FCHO2: variants seen among roughly 807,000 people sequenced by gnomAD.
FCHO2 encodes F-BAR domain only protein 2.
Under a neutral mutation model 114.1 loss-of-function variants are expected in FCHO2, and 43 were observed. That is an observed-to-expected ratio of 0.38 (90% CI 0.30 to 0.49). The LOEUF is 0.49. Ranked by LOEUF, FCHO2 falls within the 20% of genes least tolerant of loss-of-function variation. FCHO2 has a pLI of 0.97. For synonymous variants in FCHO2, 293 were observed against 315.2 expected (o/e 0.93, Z 0.75); for missense variants, 807 against 950.4 (o/e 0.85, Z 1.98).
At chr5:73,000,328 G>A (rs544253661) in intron 5 of FCHO2, among the ~76,000 whole-genome samples, 8 of 152,046 alleles carry the variant, frequency 5.3e-5, no homozygotes, top group Non-Finnish European at 7.4e-5. Context: ...AAAATTAGCC[G>A]AGTATGGTGG....
chr5:73,008,058 G>C (rs534064272), intron 6 of FCHO2, among the ~76,000 whole-genome samples: 12 of 152,282 alleles, frequency 7.9e-5, no homozygotes, highest in Middle Eastern at 3.4e-3. Flanking sequence ...AAGGGAAAAT[G>C]GTAGTGAGAA....
At chr5:73,034,608 A>G (rs1756403275) in intron 8 of FCHO2, 49 bp from the exon 9 acceptor site, 1 of 1,446,706 alleles carries the variant, frequency 6.9e-7, no homozygotes, top group Non-Finnish European at 9.4e-7. Context: ...TTTAAAATTT[A>G]CCTAATAGTT....
intron 1 of FCHO2, among the ~76,000 whole-genome samples, chr5:72,959,593 A>T (rs1414373121): frequency 6.6e-6 from 1 of 152,244 alleles, no homozygotes; most frequent in Non-Finnish European, 1.5e-5. Context: ...TCTTCCCTCT[A>T]GCATTTAAAG....
At chr5:73,033,659 A>C (rs991381062) in intron 8 of FCHO2, among the ~76,000 whole-genome samples, 19 of 152,108 alleles carry the variant, frequency 1.2e-4, no homozygotes, top group African/African-American at 2.7e-4. Context: ...TTATTTCACA[A>C]AAAAAGCTAG....
intron 6 of FCHO2, among the ~76,000 whole-genome samples, chr5:73,007,946 G>C (rs1176684335): frequency 6.6e-6 from 1 of 152,204 alleles, no homozygotes; most frequent in East Asian, 1.9e-4. Flanking sequence ...GAAATTAATA[G>C]GGCAAGAGCG....
At chr5:72,997,394 A>T (rs1754178929) in intron 5 of FCHO2, 1 of 1,599,338 alleles carries the variant, frequency 6.3e-7, no homozygotes, top group Admixed American at 1.7e-5. Flanking sequence ...ACAGCACTGC[A>T]CTTTGGAGTT....
intron 1 of FCHO2, among the ~76,000 whole-genome samples, chr5:72,965,742 A>G (rs1752168411): frequency 6.6e-6 from 1 of 152,232 alleles, no homozygotes; most frequent in Non-Finnish European, 1.5e-5. Flanking sequence ...GTTTCAGAGA[A>G]GTCAAGATAA....
chr5:73,066,723 G>A (rs113734713), intron 18 of FCHO2, among the ~76,000 whole-genome samples: 66 of 151,816 alleles, frequency 4.3e-4, no homozygotes, highest in African/African-American at 1.5e-3. Flanking sequence ...GGCACCCAAC[G>A]TGCAGTACCA....
intron 6 of FCHO2, among the ~76,000 whole-genome samples, chr5:73,013,530 T>G (rs1755133246): frequency 6.6e-6 from 1 of 152,224 alleles, no homozygotes; most frequent in African/African-American, 2.4e-5. Flanking sequence ...AAAGCCTGTT[T>G]TGAGGACTAT....
At chr5:72,964,010 T>C (rs1285366735) in intron 1 of FCHO2, among the ~76,000 whole-genome samples, 1 of 151,680 alleles carries the variant, frequency 6.6e-6, no homozygotes, top group East Asian at 1.9e-4. Context: ...TCTGTCTCTT[T>C]GTAGGCATAG....
intron 1 of FCHO2, among the ~76,000 whole-genome samples, chr5:72,958,625 A>T (rs893138598): frequency 6.6e-6 from 1 of 152,184 alleles, no homozygotes; most frequent in African/African-American, 2.4e-5. Flanking sequence ...ATCAGGAAGT[A>T]TGAGTCCTCT....
At chr5:73,042,461 T>C (rs954418239) in intron 11 of FCHO2, among the ~76,000 whole-genome samples, 1 of 152,204 alleles carries the variant, frequency 6.6e-6, no homozygotes, top group Non-Finnish European at 1.5e-5. Context: ...TATATTCCTT[T>C]TAAATAAAAC....
intron 2 of FCHO2, among the ~76,000 whole-genome samples, chr5:72,976,866 T>C (rs1752919591): frequency 6.8e-6 from 1 of 147,622 alleles, no homozygotes; most frequent in African/African-American, 2.5e-5. Context: ...CACTAATGAG[T>C]GAGGACATGT....
At position 73,047,627 on chromosome 5, in the gene FCHO2, A is replaced by G. The variant is rs561279541; in HGVS notation, c.940-3722A>G. Among the ~76,000 whole-genome samples, 9 of 151,236 alleles carry G rather than the reference A, an allele frequency of 6.0e-5. No individual in the cohort carries two copies. In the South Asian group the frequency reaches 1.7e-3, roughly 28 times the overall value. ...TCAGTGTCCTTGCAGGATTGGTTCT[A>G]GAACCCCCTGAGGATACCAGAATCA... On this transcript the variant is annotated intron_variant, in intron 11 of 25. Transcript: ENST00000430046.
intron 11 of FCHO2, among the ~76,000 whole-genome samples, chr5:73,050,380 G>A (rs946310393): frequency 6.6e-6 from 1 of 151,410 alleles, no homozygotes; most frequent in South Asian, 2.1e-4. Context: ...GTGCAGTGGC[G>A]TGATCTCGGC....
At chr5:72,976,930 A>G (rs1039652826) in intron 2 of FCHO2, among the ~76,000 whole-genome samples, 4 of 152,024 alleles carry the variant, frequency 2.6e-5, no homozygotes, top group Non-Finnish European at 5.9e-5. Flanking sequence ...TCCAGCTTCA[A>G]CCATATCCCT....
rs557787714 is a variant in FCHO2 at position 73,089,449 on chromosome 5, T to C, written c.*1359T>C. 1.2e-4 allele frequency: 19 copies of C among 152,260 alleles called. No individual in the cohort carries two copies. The highest frequency in any genetic ancestry group is 4.6e-4 in the African/African-American group (19 of 41,572). 9.4% of individuals were successfully genotyped at this position (152,260 alleles called of 1,614,324 possible). On this transcript the variant is annotated 3_prime_UTR_variant, in exon 26 of 26. Transcript: ENST00000430046. Reference sequence around the variant, plus strand: ...CATTTTAATTATTCAATTTCTACTTTGTAAAAATAGGGAAATTATTTGAAG... The same window carrying C: ...CATTTTAATTATTCAATTTCTACTTCGTAAAAATAGGGAAATTATTTGAAG...
rs778260032 is a variant in FCHO2, at chr5:73,063,864, G to C, written c.1369G>C (p.Val457Leu). 5 of 1,611,876 alleles carry C rather than the reference G, an allele frequency of 3.1e-6. No individual in the cohort carries two copies. Among genetic ancestry groups the C allele is most frequent in the Non-Finnish European group, 4.2e-6 (5 of 1,178,812 alleles). Residue 457 changes from valine (V) to leucine (L), a missense_variant, in exon 18 of 26, where the codon GTA (valine) becomes CTA (leucine). Physicochemically the swap from Val to Leu is conservative, Grantham distance 32 (BLOSUM62 1). Coordinates refer to ENST00000430046, the MANE Select transcript of FCHO2 (RefSeq NM_138782.3). The part of the protein sequence containing the change: ...SSARPTTPLS[V>L]GTIVPPPRPA... ...AGCCAGGCCCACAACTCCTCTTTCT[G>C]TAGGCACCATTGTCCCACCTCCGAG...
intron 18 of FCHO2, 72 bp from the exon 19 acceptor site, chr5:73,068,578 C>A: frequency 1.6e-5 from 24 of 1,529,908 alleles, no homozygotes; most frequent in Non-Finnish European, 2.1e-5. Flanking sequence ...AAATTTACCT[C>A]ATACTTAAAA....
Sources: allele counts gnomAD v4.1 joint callset (sites outside exome capture counted in the v4.1 genomes callset), GRCh38; gene constraint gnomAD v4.1.1; transcripts MANE v1.5; gene names NCBI Gene and HGNC (gene_info 2026-07-23, HGNC 2026-07-21).